CD1B: variants seen among roughly 807,000 people sequenced by gnomAD.
The protein encoded by CD1B is CD1b molecule.
In CD1B, 43 loss-of-function variants were observed where a neutral mutation model predicts 39.8. The ratio of observed to expected loss-of-function variants is 1.08; its 90% CI spans 0.85 to 1.39. The LOEUF (loss-of-function observed/expected upper bound fraction) is 1.39. CD1B is among the 40% of genes most tolerant of loss of function. The pLI, the probability that CD1B is intolerant of heterozygous loss-of-function variation, is 0.00. For missense variants in CD1B, 495 were observed against 403.8 expected (o/e 1.23, Z -1.94); for synonymous variants, 192 against 152.5 (o/e 1.26, Z -1.91).
chr1:158,301,849 A>G, the CD1B span, among the ~76,000 whole-genome samples: 3 of 152,006 alleles, frequency 2.0e-5, no homozygotes, highest in African/African-American at 4.8e-5. Context: ...TAGGTTGGGG[A>G]TGTTCTCCTG....
chr1:158,330,691 G>A (rs1379724931), intron 2 of CD1B, 105 bp downstream of exon 2: 3 of 1,155,936 alleles, frequency 2.6e-6, no homozygotes, highest in African/African-American at 1.5e-5. Flanking sequence ...GTGCATTTGG[G>A]TAAAATAGAA....
downstream of CD1B, among the ~76,000 whole-genome samples, chr1:158,327,732 C>T (rs570141235): frequency 7.6e-4 from 116 of 152,270 alleles, no homozygotes; most frequent in African/African-American, 2.7e-3. Flanking sequence ...TATTATAGCA[C>T]TAGGAAAGTC....
At chr1:158,293,776 G>T in the CD1B span, 1 of 563,382 alleles carries the variant, frequency 1.8e-6, no homozygotes, top group Non-Finnish European at 3.1e-6. Context: ...TTCCTACCCT[G>T]TGTTGCAGCT....
the CD1B span, chr1:158,292,608 C>T: frequency 1.2e-6 from 2 of 1,612,648 alleles, no homozygotes; most frequent in Admixed American, 3.3e-5. Flanking sequence ...AGGCCAGAAG[C>T]CTGGCTGTCC....
At chr1:158,305,804 A>T in the CD1B span, among the ~76,000 whole-genome samples, 1 of 152,260 alleles carries the variant, frequency 6.6e-6, no homozygotes, top group Non-Finnish European at 1.5e-5. Flanking sequence ...AGAATTTTCA[A>T]ACCAGAATTT....
At chr1:158,330,607 G>T (rs1557822610) in intron 2 of CD1B, 189 bp downstream of exon 2, 1 of 730,432 alleles carries the variant, frequency 1.4e-6, no homozygotes. Flanking sequence ...AGAGTGCAGA[G>T]GCAGCAAGAA....
At chr1:158,328,567 G>A (rs3176842) in intron 5 of CD1B, among the ~76,000 whole-genome samples, 58,136 of 152,024 alleles carry the variant, frequency 0.38, 14,381 homozygotes, top group African/African-American at 0.71. Flanking sequence ...AGAATGTAGA[G>A]CTGTCCTAAC....
the CD1B span, chr1:158,290,194 G>A: frequency 1.5e-6 from 2 of 1,377,730 alleles, no homozygotes; most frequent in Admixed American, 1.7e-5. Flanking sequence ...TTCCCGAGAT[G>A]GATCAATAGA....
the CD1B span, among the ~76,000 whole-genome samples, chr1:158,306,822 G>A: frequency 5.9e-5 from 9 of 152,166 alleles, no homozygotes; most frequent in Non-Finnish European, 1.2e-4. Flanking sequence ...ACCTGCTCCT[G>A]AATGACTACT....
Position 158,329,931 on chromosome 1 carries a change from C to T in CD1B, c.528G>A (p.Val176=), listed in dbSNP as rs1004279329. The part of the protein sequence containing the change: ...IIQYQGIMET[V]RILLYETCPR... ...GGCAGGTTTCATAGAGGAGAATTCT[C>T]ACAGTTTCCATGATACCTTGATATT... The change falls in exon 3 of 6, where the codon GTG becomes GTA. Residue 176 remains valine, a synonymous_variant. Coordinates refer to ENST00000368168, the MANE Select transcript of CD1B (RefSeq NM_001764.3). The T allele has an allele frequency of 8.7e-6, 14 of 1,613,962 alleles. No individual in the cohort carries two copies. In the East Asian group the frequency reaches 8.9e-5, roughly 10 times the overall value.
the CD1B span, among the ~76,000 whole-genome samples, chr1:158,321,790 A>C: frequency 1.3e-5 from 2 of 152,186 alleles, no homozygotes; most frequent in Non-Finnish European, 2.9e-5. Flanking sequence ...CCAGGGGTAC[A>C]TGTGCAGGAT....
At chr1:158,310,306 AC>A in the CD1B span, among the ~76,000 whole-genome samples, 1 of 152,214 alleles carries the variant, frequency 6.6e-6, no homozygotes, top group African/African-American at 2.4e-5. Flanking sequence ...TTCACCACAT[AC>A]AAAAGTTAAT....
At chr1:158,290,094 T>G in the CD1B span, 1 of 1,613,788 alleles carries the variant, frequency 6.2e-7, no homozygotes, top group South Asian at 1.1e-5. Context: ...TGCTGCTAGC[T>G]CTTCTTCTCC....
At chr1:158,292,410 A>C in the CD1B span, 11,229 of 1,576,298 alleles carry the variant, frequency 7.1e-3, 483 homozygotes, top group African/African-American at 0.11. Context: ...CTATTCAAGT[A>C]CTGCCCCTTC....
downstream of CD1B, among the ~76,000 whole-genome samples, chr1:158,327,369 T>G (rs1197166494): frequency 5.9e-5 from 9 of 152,160 alleles, no homozygotes. Context: ...ATAGCTGTAG[T>G]AAGCCAAGGG....
At chr1:158,318,053 T>TA in the CD1B span, among the ~76,000 whole-genome samples, 3 of 152,224 alleles carry the variant, frequency 2.0e-5, no homozygotes, top group Admixed American at 6.5e-5. Flanking sequence ...TCTGTTCCTT[T>TA]ACATTTGCTG....
chr1:158,286,148 G>T, the CD1B span, among the ~76,000 whole-genome samples: 1 of 152,158 alleles, frequency 6.6e-6, no homozygotes, highest in East Asian at 1.9e-4. Flanking sequence ...GAAAAGGGAA[G>T]TTGGGGAAGG....
the CD1B span, among the ~76,000 whole-genome samples, chr1:158,290,320 A>G: frequency 6.6e-6 from 1 of 152,140 alleles, no homozygotes; most frequent in Non-Finnish European, 1.5e-5. Context: ...TAAAGTAGTC[A>G]TTAATGTTTC....
the CD1B span, among the ~76,000 whole-genome samples, chr1:158,311,111 A>T: frequency 2.0e-5 from 3 of 152,184 alleles, no homozygotes; most frequent in African/African-American, 7.2e-5. Context: ...ATGGGTATGT[A>T]GTATATTTTT....
Sources: allele counts gnomAD v4.1 joint callset (sites outside exome capture counted in the v4.1 genomes callset), GRCh38; gene constraint gnomAD v4.1.1; transcripts MANE v1.5; gene names NCBI Gene and HGNC (gene_info 2026-07-23, HGNC 2026-07-21).